GTF3C1: variants seen among roughly 807,000 people sequenced by gnomAD.
The protein encoded by GTF3C1 is general transcription factor IIIC subunit 1, also known as general transcription factor 3C polypeptide 1.
A neutral mutation model predicts 226.7 loss-of-function variants in GTF3C1; 57 were observed. The observed-to-expected ratio is 0.25, with a 90% CI of 0.20 to 0.31. GTF3C1 has a LOEUF of 0.31. Ranked by LOEUF, GTF3C1 falls within the 10% of genes least tolerant of loss-of-function variation. GTF3C1 has a pLI of 1.00. For missense variants in GTF3C1, 2,217 were observed against 2,776.1 expected, an observed-to-expected ratio of 0.80 and a Z score of 4.53; for synonymous variants, 1,090 against 1,084.8, an observed-to-expected ratio of 1.00 and a Z score of -0.09.
intron 1 of GTF3C1, among the ~76,000 whole-genome samples, chr16:27,546,800 C>T (rs906813397): frequency 6.6e-6 from 1 of 151,914 alleles, no homozygotes; most frequent in Admixed American, 6.6e-5. Flanking sequence ...GAGTTTTGAT[C>T]TTGTCACCCA....
At chr16:27,536,375 T>G (rs1044708462) in intron 4 of GTF3C1, among the ~76,000 whole-genome samples, 1 of 152,136 alleles carries the variant, frequency 6.6e-6, no homozygotes, top group African/African-American at 2.4e-5. Flanking sequence ...GGTGGATCAC[T>G]TGAGGTCAGG....
chr16:27,461,178 G>A lies in GTF3C1; in HGVS notation c.*172C>T. 1 of 557,408 alleles carries A rather than the reference G, an allele frequency of 1.8e-6. No homozygotes were observed. Among genetic ancestry groups the A allele is most frequent in the Non-Finnish European group, 3.2e-6 (1 of 311,850 alleles). The allele number at this position is 557,408 out of a possible 1,614,324, so 34.5% of individuals were successfully genotyped here. A position where few individuals can be genotyped will look rare whatever the true frequency, so the allele number is the denominator to read the frequency against. ...GCAGGTCGGGGAGCCCCTCTTTCCA[G>A]AGTTCCAGTACAGTGGGAAACGTGT... On this transcript the variant is annotated 3_prime_UTR_variant, in exon 37 of 37. Transcript: ENST00000356183. The surrounding 1 kb of genome is among the most constrained non-coding windows in gnomAD (Gnocchi z 5.3).
chr16:27,528,245 G>T (rs2088862373), intron 6 of GTF3C1, among the ~76,000 whole-genome samples: 1 of 152,076 alleles, frequency 6.6e-6, no homozygotes, highest in Admixed American at 6.6e-5. Context: ...ACTGCACTAT[G>T]GGCGACAAAA....
intron 6 of GTF3C1, among the ~76,000 whole-genome samples, chr16:27,517,967 A>G (rs999079079): frequency 1.3e-5 from 2 of 152,188 alleles, no homozygotes; most frequent in Non-Finnish European, 2.9e-5. Context: ...GGCGGAACCA[A>G]GAGTCTGTGT....
intron 6 of GTF3C1, among the ~76,000 whole-genome samples, chr16:27,519,896 CAA>C (rs1043040718): frequency 6.6e-6 from 1 of 152,060 alleles, no homozygotes; most frequent in African/African-American, 2.4e-5. Flanking sequence ...CACTTGAGCC[CAA>C]GAGTTCGCGA....
intron 19 of GTF3C1, among the ~76,000 whole-genome samples, chr16:27,490,375 G>T (rs1375828198): frequency 6.6e-6 from 1 of 152,232 alleles, no homozygotes; most frequent in Non-Finnish European, 1.5e-5. Context: ...GGGAAGGTTT[G>T]CAGACTCTCA....
rs139985284 is a variant in GTF3C1 at position 27,507,933 on chromosome 16, C to G, written c.1242+607G>C. 6.4e-3 allele frequency among the ~76,000 whole-genome samples: 968 copies of G among 152,366 alleles called. 15 individuals are homozygous for G. Among genetic ancestry groups the G allele is most frequent in the African/African-American group, 0.022 (914 of 41,586 alleles). On this transcript the variant is annotated intron_variant, in intron 8 of 36. Transcript: ENST00000356183. The surrounding 1 kb of genome is among the most constrained non-coding windows in gnomAD (Gnocchi z 4.9). ...GGAGAGCACTGCTTTGTCTGAAGCACGTGGACAGAGAGTGGCCAGCCCCAG... is the reference window on the plus strand; with the variant it reads ...GGAGAGCACTGCTTTGTCTGAAGCAGGTGGACAGAGAGTGGCCAGCCCCAG...
intron 2 of GTF3C1, among the ~76,000 whole-genome samples, 182 bp from the exon 3 acceptor site, chr16:27,538,538 A>C (rs2141455128): frequency 6.6e-6 from 1 of 152,314 alleles, no homozygotes; most frequent in South Asian, 2.1e-4. Flanking sequence ...GACAATAATA[A>C]TAATAATAAA....
Position 27,492,816 on chromosome 16 carries a change from C to A in GTF3C1, c.2877-103G>T. Reference sequence around the variant, plus strand: ...GGGTGCGACTTCCTTCTTCTCTTTTCCACCTGGTGGTCACTGGAGGACCAG... The same window carrying A: ...GGGTGCGACTTCCTTCTTCTCTTTTACACCTGGTGGTCACTGGAGGACCAG... On this transcript the variant is annotated intron_variant, in intron 17 of 36. Transcript: ENST00000356183. The surrounding 1 kb of genome is among the most constrained non-coding windows in gnomAD (Gnocchi z 5.0). The A allele has an allele frequency of 1.3e-6, 1 of 750,688 alleles. No homozygotes were observed. Among genetic ancestry groups the A allele is most frequent in the Non-Finnish European group, 2.4e-6 (1 of 416,962 alleles). 46.5% of individuals were successfully genotyped at this position (750,688 alleles called of 1,614,324 possible).
chr16:27,526,152 T>C (rs2088830420), intron 6 of GTF3C1, among the ~76,000 whole-genome samples: 1 of 152,192 alleles, frequency 6.6e-6, no homozygotes, highest in African/African-American at 2.4e-5. Flanking sequence ...GGTCAGTTTC[T>C]TCAGAAAAAG....
Position 27,549,777 on chromosome 16 carries a change from A to C in GTF3C1, c.114T>G (p.Pro38=). The C allele has an allele frequency of 6.2e-7, 1 of 1,612,926 alleles. No individual in the cohort carries two copies. The highest frequency in any genetic ancestry group is 8.5e-7 in the Non-Finnish European group (1 of 1,179,822). The change falls in exon 1 of 37, where the codon CCT becomes CCG. Residue 38 remains proline, a synonymous_variant. Transcript: ENST00000356183. ...LETRVPPFPL[P]LEPCTQEFLW... is the part of the protein sequence containing the mutation. The stretch of plus-strand genomic sequence containing the variant: ...GAAACTCCTGCGTGCAGGGTTCCAA[A>C]GGCAGCGGGAAGGGCGGCACTCGCG...
At position 27,462,770 on chromosome 16, in the gene GTF3C1, G is replaced by GT. The variant is rs2087725425; in HGVS notation, c.5925-285dup. 2.3e-6 allele frequency: 1 copy of GT among 426,252 alleles called. No individual in the cohort carries two copies. The highest frequency in any genetic ancestry group is 1.9e-5 in the African/African-American group (1 of 51,306). The allele number at this position is 426,252 out of a possible 1,614,324, so 26.4% of individuals were successfully genotyped here. ...CATTGGCAGGAGAGGGACAAGGGTT[G>GT]TGACTCCTGGACTTGCCAGCTCTAC... On this transcript the variant is annotated intron_variant, in intron 35 of 36. Coordinates refer to ENST00000356183, the MANE Select transcript of GTF3C1 (RefSeq NM_001520.4). This position sits in a 1 kb window ranked among gnomAD's most constrained non-coding sequence, Gnocchi z 4.5.
At chr16:27,508,694 A>C (rs1302970364) in intron 7 of GTF3C1, 39 bp from the exon 8 acceptor site, 1 of 1,465,462 alleles carries the variant, frequency 6.8e-7, no homozygotes, top group Admixed American at 1.7e-5. Flanking sequence ...ACCGCTGCAA[A>C]GGAGCTGTTC....
intron 19 of GTF3C1, among the ~76,000 whole-genome samples, chr16:27,491,609 G>A (rs1449005616): frequency 6.6e-6 from 1 of 152,122 alleles, no homozygotes; most frequent in Non-Finnish European, 1.5e-5. Flanking sequence ...TCCTTCTAGG[G>A]AGAGAGAGGG....
chr16:27,473,216 G>C (rs2087902200), intron 29 of GTF3C1, among the ~76,000 whole-genome samples: 1 of 152,178 alleles, frequency 6.6e-6, no homozygotes, highest in Non-Finnish European at 1.5e-5. Flanking sequence ...TTCAACTCTT[G>C]CTGTTGCCAC....
intron 26 of GTF3C1, among the ~76,000 whole-genome samples, chr16:27,481,938 T>G (rs1422168021): frequency 6.6e-6 from 1 of 152,168 alleles, no homozygotes; most frequent in Non-Finnish European, 1.5e-5. Context: ...ACTTTCTGAT[T>G]AGCCAGTCTC....
At position 27,506,835 on chromosome 16, in the gene GTF3C1, C is replaced by T. The variant is rs370150131; in HGVS notation, c.1552+12G>A. 3.4e-5 allele frequency: 54 copies of T among 1,588,172 alleles called. No homozygotes were observed. The highest frequency in any genetic ancestry group is 4.5e-5 in the East Asian group (2 of 44,556). ...GTGCACGCAGCCCCTGCCCACCCCA[C>T]GTGCTCCCTACCCTTGGTTGGGGTG... On this transcript the variant is annotated intron_variant, in intron 9 of 36. Coordinates refer to ENST00000356183, the MANE Select transcript of GTF3C1 (RefSeq NM_001520.4).
chr16:27,483,825 C>T (rs1361720828), intron 25 of GTF3C1, among the ~76,000 whole-genome samples: 1 of 152,164 alleles, frequency 6.6e-6, no homozygotes, highest in Non-Finnish European at 1.5e-5. Context: ...TGGAGGGAGC[C>T]ACCAATCAGA....
At chr16:27,534,301 CTG>C (rs1341622118) in intron 4 of GTF3C1, among the ~76,000 whole-genome samples, 3 of 152,188 alleles carry the variant, frequency 2.0e-5, no homozygotes, top group African/African-American at 4.8e-5. Flanking sequence ...GGGCCCTTGA[CTG>C]TGTAAGTCTA....
Sources: allele counts gnomAD v4.1 joint callset (sites outside exome capture counted in the v4.1 genomes callset), GRCh38; gene constraint gnomAD v4.1.1; non-coding constraint Gnocchi (gnomAD v3.1); transcripts MANE v1.5; gene names NCBI Gene and HGNC (gene_info 2026-07-23, HGNC 2026-07-21).